INTS11: variants seen among roughly 807,000 people sequenced by gnomAD.
The protein encoded by INTS11 is CPSF3-like protein.
In INTS11, 77 loss-of-function variants were observed where a neutral mutation model predicts 78.6. That is an observed-to-expected ratio of 0.98 (90% confidence interval 0.81 to 1.18). The LOEUF (loss-of-function observed/expected upper bound fraction) is 1.18, where lower values mean the gene tolerates loss of function less well. INTS11 is among the 50% of genes most tolerant of loss of function. INTS11 has a pLI of 0.00. For synonymous variants in INTS11, 441 were observed against 326.9 expected (o/e 1.35, Z -3.77); for missense variants, 875 against 825.9 (o/e 1.06, Z -0.73).
At chr1:1,323,279 G>A (rs1217302149) in intron 1 of INTS11, 1 of 1,549,776 alleles carries the variant, frequency 6.5e-7, no homozygotes, top group Non-Finnish European at 8.7e-7. Flanking sequence ...GACAGCACAG[G>A]GCAGGCACCT....
intron 10 of INTS11, 35 bp from the exon 11 acceptor site, chr1:1,313,159 T>C (rs1388820787): frequency 4.4e-6 from 7 of 1,585,948 alleles, no homozygotes; most frequent in Non-Finnish European, 5.1e-6. Context: ...GCCAGGGAAC[T>C]CCAGCCTTGG....
chr1:1,324,524 C>G, intron 1 of INTS11, 57 bp downstream of exon 1: 2 of 1,536,956 alleles, frequency 1.3e-6, no homozygotes, highest in Middle Eastern at 3.6e-4. Context: ...GGCGCCCAGC[C>G]CGCCCGGAGC....
intron 4 of INTS11, chr1:1,316,448 G>A: frequency 6.6e-6 from 1 of 152,132 alleles, no homozygotes; most frequent in East Asian, 1.9e-4. Context: ...AGTTAGCTGG[G>A]CATGGTGGTG....
rs763075752 is a variant in INTS11, at chr1:1,319,168, G to T, written c.429+128C>A. 13 of 887,220 alleles carry T rather than the reference G, an allele frequency of 1.5e-5. No individual in the cohort carries two copies. The Admixed American group carries it at 2.2e-4, about 15-fold the overall frequency. 55.0% of individuals were successfully genotyped at this position (887,220 alleles called of 1,614,324 possible). A position where few individuals can be genotyped will look rare whatever the true frequency, so the allele number is the denominator to read the frequency against. ...TCCTGGTGTCCCCACGGTGCTGGAC[G>T]CAAGAGTGAGGTGGGGTGGGCTCAC... On this transcript the variant is annotated intron_variant, in intron 4 of 16. Coordinates refer to ENST00000435064, the MANE Select transcript of INTS11 (RefSeq NM_017871.6).
intron 4 of INTS11, chr1:1,317,281 C>G (rs896773900): frequency 6.4e-6 from 1 of 155,158 alleles, no homozygotes; most frequent in Non-Finnish European, 1.4e-5. Flanking sequence ...GTAATCCCAG[C>G]TACTCGGGAG....
In INTS11 at chr1:1,313,017, T is replaced by G; in HGVS notation, c.1131+18A>C. 1 of 1,611,548 alleles carries G rather than the reference T, an allele frequency of 6.2e-7. No individual in the cohort carries two copies. Among genetic ancestry groups the G allele is most frequent in the Non-Finnish European group, 8.5e-7 (1 of 1,179,798 alleles). On this transcript the variant is annotated intron_variant, in intron 11 of 16. Transcript: ENST00000435064. ...GTGCCCCTCGGCCCTGCCAGCCCAGTGCGGGGTCGAGACTCACCACCTGCC... is the reference window on the plus strand; with the variant it reads ...GTGCCCCTCGGCCCTGCCAGCCCAGGGCGGGGTCGAGACTCACCACCTGCC...
rs1038191812 is a variant in INTS11, at chr1:1,313,290, T to C, written c.1042-166A>G. On this transcript the variant is annotated intron_variant, in intron 10 of 16. Coordinates refer to ENST00000435064, the MANE Select transcript of INTS11 (RefSeq NM_017871.6). ...AAGGGCTCAGGTTTTGGCACAAGAC[T>C]GTCCAGGGCTGGGCTGGGGCTGTTC... 5.5e-5 allele frequency: 50 copies of C among 913,398 alleles called. No individual in the cohort carries two copies. The African/African-American group carries it at 7.0e-4, about 13-fold the overall frequency. 56.6% of individuals were successfully genotyped at this position (913,398 alleles called of 1,614,324 possible).
chr1:1,320,119 C>T (rs984811316), intron 3 of INTS11: 16 of 287,052 alleles, frequency 5.6e-5, no homozygotes, highest in Admixed American at 1.9e-4. Context: ...GCTGCTGAAC[C>T]CTAAAGGCTG....
intron 1 of INTS11, chr1:1,321,859 G>T: frequency 8.0e-7 from 1 of 1,243,466 alleles, no homozygotes; most frequent in Non-Finnish European, 1.0e-6. Context: ...ACTGTGCCTG[G>T]GCAGGAGTCT....
At chr1:1,323,098 G>A in intron 1 of INTS11, 1 of 1,515,174 alleles carries the variant, frequency 6.6e-7, no homozygotes, top group Non-Finnish European at 8.9e-7. Context: ...GCTGCAAAAT[G>A]CCATGGGGTG....
intron 1 of INTS11, chr1:1,321,803 A>G: frequency 1.2e-6 from 1 of 811,340 alleles, no homozygotes; most frequent in East Asian, 3.4e-5. Flanking sequence ...CAGCCCCCTC[A>G]TGTGGCCTGG....
intron 10 of INTS11, 189 bp downstream of exon 10, chr1:1,313,320 C>T (rs1642357779): frequency 1.0e-5 from 9 of 881,042 alleles, no homozygotes; most frequent in Admixed American, 4.3e-5. Flanking sequence ...CTGTTCTGCC[C>T]GAGGTGGACA....
At chr1:1,320,923 G>T in intron 2 of INTS11, 73 bp downstream of exon 2, 1 of 1,339,660 alleles carries the variant, frequency 7.5e-7, no homozygotes, top group Non-Finnish European at 1.1e-6. Flanking sequence ...CACTGTCCCG[G>T]CTCTGAGGCC....
chr1:1,312,547 G>A (rs776738369), intron 13 of INTS11, 46 bp from the exon 14 acceptor site: 139 of 1,581,152 alleles, frequency 8.8e-5, no homozygotes, highest in Non-Finnish European at 8.3e-5. Context: ...GCCGCTCCCA[G>A]CCGCCTGCCC....
chr1:1,313,959 G>A (rs778353216), intron 8 of INTS11, 38 bp from the exon 9 acceptor site: 6 of 1,592,512 alleles, frequency 3.8e-6, no homozygotes, highest in South Asian at 2.2e-5. Context: ...GTGGCCACAG[G>A]GGAGAATGCT....
chr1:1,314,844 T>C lies in INTS11; in HGVS notation c.682A>G (p.Thr228Ala). 6.2e-7 allele frequency: 1 copy of C among 1,612,398 alleles called. No homozygotes were observed. The highest frequency in any genetic ancestry group is 8.5e-7 in the Non-Finnish European group (1 of 1,179,596). Residue 228 changes from threonine to alanine, a missense_variant, in exon 7 of 17, where the codon ACC becomes GCC. Transcript: ENST00000435064. The surrounding 1 kb of genome is among the most constrained non-coding windows in gnomAD (Gnocchi z 4.2). The part of the protein sequence containing the change: ...ERDFLKKVHE[T>A]VERGGKVLIP... ...GCTACCTTCCCACCACGCTCCACGG[T>C]CTCGTGGACTTTCTTCAGGAAGTCT...
At chr1:1,319,679 T>C (rs1642831973) in intron 3 of INTS11, 155 bp from the exon 4 acceptor site, 1 of 589,850 alleles carries the variant, frequency 1.7e-6, no homozygotes, top group Non-Finnish European at 3.0e-6. Context: ...CACAAAACTG[T>C]CTCCCTGGAA....
chr1:1,321,549 G>C (rs1425917891), intron 1 of INTS11, among the ~76,000 whole-genome samples: 1 of 152,258 alleles, frequency 6.6e-6, no homozygotes, highest in African/African-American at 2.4e-5. Context: ...AAGTGACTAA[G>C]TGCTGGCACT....
intron 1 of INTS11, among the ~76,000 whole-genome samples, chr1:1,324,241 T>A (rs542643275): frequency 6.6e-6 from 1 of 151,354 alleles, no homozygotes; most frequent in African/African-American, 2.4e-5. Flanking sequence ...GCTAAGGGAC[T>A]GAAGGGCTGG....
Sources: allele counts gnomAD v4.1 joint callset (sites outside exome capture counted in the v4.1 genomes callset), GRCh38; gene constraint gnomAD v4.1.1; non-coding constraint Gnocchi (gnomAD v3.1); transcripts MANE v1.5; gene names NCBI Gene and HGNC (gene_info 2026-07-23, HGNC 2026-07-21).